Variants in DYNC2H1 observed in about 807,000 individuals in gnomAD.
The protein encoded by DYNC2H1 is dynein cytoplasmic 2 heavy chain 1.
In DYNC2H1, 410 loss-of-function variants were observed where a neutral mutation model predicts 570.0. The observed-to-expected ratio is 0.72, with a 90% CI of 0.66 to 0.78. DYNC2H1 has a LOEUF of 0.78. DYNC2H1 is among the 30% of genes least tolerant of loss of function. DYNC2H1 has a pLI of 0.00. For missense variants in DYNC2H1, 4,865 were observed against 5,046.4 expected, an observed-to-expected ratio of 0.96 and a Z score of 1.09; for synonymous variants, 1,688 against 1,677.6, an observed-to-expected ratio of 1.01 and a Z score of -0.15.
chr11:103,347,873 A>G (rs745726625), intron 82 of DYNC2H1, among the ~76,000 whole-genome samples: 2 of 151,986 alleles, frequency 1.3e-5, no homozygotes, highest in Non-Finnish European at 2.9e-5. Flanking sequence ...CCAGGCACCA[A>G]CCCCAGTTTC....
At chr11:103,401,998 G>A (rs1245487579) in intron 84 of DYNC2H1, 1 of 152,130 alleles carries the variant, frequency 6.6e-6, no homozygotes, top group Non-Finnish European at 1.5e-5. Flanking sequence ...CAGAGACAGT[G>A]AAGAGGTAAG....
intron 88 of DYNC2H1, among the ~76,000 whole-genome samples, chr11:103,473,747 G>C (rs1369324782): frequency 6.6e-6 from 1 of 152,160 alleles, no homozygotes; most frequent in East Asian, 1.9e-4. Context: ...CAGGAAGTCA[G>C]TTTGCCTTTG....
At chr11:103,402,336 G>T (rs1942677786) in intron 84 of DYNC2H1, 1 of 152,116 alleles carries the variant, frequency 6.6e-6, no homozygotes, top group Admixed American at 6.6e-5. Context: ...TAATAAATAG[G>T]ATTATTCCAT....
intron 47 of DYNC2H1, among the ~76,000 whole-genome samples, chr11:103,194,594 T>C (rs1245347247): frequency 1.3e-5 from 2 of 152,230 alleles, no homozygotes; most frequent in African/African-American, 4.8e-5. Context: ...AGATATGTCA[T>C]TGTGGCTTTA....
Position 103,395,511 on chromosome 11 carries a change from A to G in DYNC2H1, c.12157-4152A>G, listed in dbSNP as rs1239811274. 6.8e-6 allele frequency among the ~76,000 whole-genome samples: 1 copy of G among 147,788 alleles called. No individual in the cohort carries two copies. The highest frequency in any genetic ancestry group is 2.0e-4 in the East Asian group (1 of 4,986). On this transcript the variant is annotated intron_variant, in intron 83 of 88. Transcript: ENST00000375735. This position sits in a 1 kb window ranked among gnomAD's most constrained non-coding sequence, Gnocchi z 4.3. ...TATATGTACACACACACACACACAC[A>G]CACACTTCTCTGTATTGGCACCATT...
chr11:103,272,133 T>C (rs574196678), intron 70 of DYNC2H1, among the ~76,000 whole-genome samples: 3 of 152,342 alleles, frequency 2.0e-5, no homozygotes, highest in African/African-American at 7.2e-5. Flanking sequence ...CATATGTTTA[T>C]TGCGGCACTA....
In DYNC2H1 at chr11:103,200,046, G is replaced by T. The variant is rs1862654995; in HGVS notation, c.8089G>T (p.Val2697Leu). Residue 2697 changes from valine (V) to leucine (L), a missense_variant and splice_region_variant, in exon 50 of 89, where the codon GTG becomes TTG. Physicochemically the swap from Val to Leu is conservative, Grantham distance 32. This residue lies in a region of DYNC2H1 where 2,401 missense variants were observed against 2,454.6 expected (regional missense o/e 0.98). Coordinates refer to ENST00000375735, the MANE Select transcript of DYNC2H1 (RefSeq NM_001377.3). ...TAAAAAATATTTTCTGATTTTGCAG[G>T]TGCTGCAACTTGCAGGAATTGAAGC... ...LKQFKNDLKH[V>L]LQLAGIEAQQ... The T allele has an allele frequency of 1.9e-6, 3 of 1,574,308 alleles. No individual in the cohort carries two copies. Among genetic ancestry groups the T allele is most frequent in the Non-Finnish European group, 2.6e-6 (3 of 1,157,350 alleles).
At chr11:103,176,995 C>T (rs762416819) in intron 37 of DYNC2H1, among the ~76,000 whole-genome samples, 4 of 152,182 alleles carry the variant, frequency 2.6e-5, no homozygotes, top group African/African-American at 4.8e-5. Flanking sequence ...CCTGAGCCAC[C>T]GCATCTGGCC....
chr11:103,180,608 T>C (rs1444792537), intron 39 of DYNC2H1, among the ~76,000 whole-genome samples: 1 of 151,706 alleles, frequency 6.6e-6, no homozygotes, highest in African/African-American at 2.4e-5. Context: ...TTTATTCCTT[T>C]AGCAGATATT....
chr11:103,262,075 T>A (rs764533603), intron 70 of DYNC2H1, among the ~76,000 whole-genome samples: 7 of 152,264 alleles, frequency 4.6e-5, no homozygotes, highest in Non-Finnish European at 8.8e-5. Context: ...AATAGCTGAA[T>A]TGATTAAGCA....
intron 70 of DYNC2H1, among the ~76,000 whole-genome samples, chr11:103,270,122 G>A (rs1425648435): frequency 6.6e-6 from 1 of 151,350 alleles, no homozygotes; most frequent in Admixed American, 6.6e-5. Flanking sequence ...GAACCCAGGA[G>A]GTGGAGGTTG....
rs1863607053 is a variant in DYNC2H1, at chr11:103,222,017, G to C, written c.9108-13G>C. ...TATTTAGCCTCATTTAAGGAAATAT[G>C]CTTTAATTTTAGTTTCCTTGCAAAA... On this transcript the variant is annotated splice_polypyrimidine_tract_variant and intron_variant, in intron 57 of 88. Transcript: ENST00000375735. 1.2e-6 allele frequency: 2 copies of C among 1,601,602 alleles called. No homozygotes were observed. The highest frequency in any genetic ancestry group is 8.5e-7 in the Non-Finnish European group (1 of 1,176,148).
intron 36 of DYNC2H1, 82 bp from the exon 37 acceptor site, chr11:103,176,153 A>G: frequency 9.7e-7 from 1 of 1,027,150 alleles, no homozygotes; most frequent in Non-Finnish European, 1.3e-6. Context: ...TTAATAATGC[A>G]TATCAAGGCT....
At chr11:103,414,243 TTAAAAGGA>T (rs1351461211) in intron 84 of DYNC2H1, among the ~76,000 whole-genome samples, 1 of 152,194 alleles carries the variant, frequency 6.6e-6, no homozygotes, top group Non-Finnish European at 1.5e-5. Flanking sequence ...CCTACAGACA[TTAAAAGGA>T]TATTAAGGGA....
chr11:103,475,620 G>A (rs989059376), intron 88 of DYNC2H1, among the ~76,000 whole-genome samples: 1 of 152,074 alleles, frequency 6.6e-6, no homozygotes, highest in Non-Finnish European at 1.5e-5. Flanking sequence ...TTTGAGAAGT[G>A]ACAAAATATC....
intron 79 of DYNC2H1, 37 bp downstream of exon 79, chr11:103,312,070 T>C (rs781378317): frequency 1.3e-6 from 2 of 1,566,008 alleles, no homozygotes; most frequent in Admixed American, 3.9e-5. Flanking sequence ...TTCTAAGCTT[T>C]ATATTTTTGT....
intron 12 of DYNC2H1, among the ~76,000 whole-genome samples, chr11:103,127,872 G>A (rs1331901705): frequency 6.6e-6 from 1 of 152,244 alleles, no homozygotes; most frequent in Non-Finnish European, 1.5e-5. Flanking sequence ...ATATAATGCA[G>A]TGTTAGGCAG....
chr11:103,139,674 A>C (rs1859787377), intron 17 of DYNC2H1, among the ~76,000 whole-genome samples: 3 of 151,860 alleles, frequency 2.0e-5, no homozygotes, highest in Admixed American at 6.6e-5. Flanking sequence ...TGTGGTGTTG[A>C]AAAAAATGTA....
intron 37 of DYNC2H1, among the ~76,000 whole-genome samples, chr11:103,176,664 A>G (rs959775095): frequency 1.3e-5 from 2 of 152,092 alleles, no homozygotes; most frequent in Non-Finnish European, 2.9e-5. Context: ...CTCCTCCACC[A>G]TAAAGTAATC....
Sources: gnomAD v4.1 joint callset for allele counts (sites outside exome capture counted in the v4.1 genomes callset) on GRCh38, gnomAD v4.1.1 for gene constraint, gnomAD v4.1.1 regional missense constraint, Gnocchi (gnomAD v3.1) non-coding constraint, MANE v1.5 for transcripts, NCBI Gene and HGNC (gene_info 2026-07-23, HGNC 2026-07-21) for gene names.